The following CENPW variants were observed in gnomAD, a reference collection of about 807,000 sequenced individuals.
CENPW encodes centromere protein W.
Under a neutral mutation model 11.1 loss-of-function variants are expected in CENPW, and 3 were observed. The observed-to-expected ratio is 0.27, with a 90% CI of 0.12 to 0.70. The LOEUF is 0.70. CENPW is among the 30% of genes least tolerant of loss of function. The probability of loss-of-function intolerance (pLI) is 0.77; values close to 1 mark genes in which losing one functional copy is unlikely to be tolerated. For missense variants in CENPW, 100 were observed against 105.6 expected (o/e 0.95, Z 0.23); for synonymous variants, 38 against 42.0 (o/e 0.91, Z 0.37).
chr6:126,348,406 A>G (rs994673124), intron 2 of CENPW, 60 bp from the exon 3 acceptor site: 25 of 936,444 alleles, frequency 2.7e-5, no homozygotes, highest in Non-Finnish European at 4.3e-5. Flanking sequence ...CTTTTTGTTA[A>G]GGAATGATGT....
At chr6:126,459,767 T>C in the CENPW span, among the ~76,000 whole-genome samples, 2 of 151,648 alleles carry the variant, frequency 1.3e-5, no homozygotes, top group South Asian at 4.1e-4. Context: ...TTAGAAGAGA[T>C]CACTCAACAG....
At chr6:126,468,407 C>T in the CENPW span, among the ~76,000 whole-genome samples, 1 of 78,152 alleles carries the variant, frequency 1.3e-5, no homozygotes, top group Non-Finnish European at 2.2e-5. Flanking sequence ...GCAACAAGAG[C>T]TAAACTCTGT....
chr6:126,408,820 A>G, the CENPW span, among the ~76,000 whole-genome samples: 35 of 151,796 alleles, frequency 2.3e-4, no homozygotes, highest in Non-Finnish European at 5.0e-4. Context: ...TATCAATTAT[A>G]ATTTTTTTGT....
the CENPW span, among the ~76,000 whole-genome samples, chr6:126,450,751 T>A: frequency 6.6e-6 from 1 of 151,006 alleles, no homozygotes; most frequent in Non-Finnish European, 1.5e-5. Context: ...TTAATTTACA[T>A]AATCCACTTT....
the CENPW span, among the ~76,000 whole-genome samples, chr6:126,357,543 T>A: frequency 6.6e-6 from 1 of 152,298 alleles, no homozygotes; most frequent in East Asian, 1.9e-4. Flanking sequence ...TATTCTTCTA[T>A]GAGCATGGAA....
At chr6:126,351,596 A>C (rs1166872834), downstream of CENPW, among the ~76,000 whole-genome samples, 1 of 152,034 alleles carries the variant, frequency 6.6e-6, no homozygotes, top group Non-Finnish European at 1.5e-5. Flanking sequence ...TGTTGAAGAG[A>C]GTCAGTGAGA....
the CENPW span, among the ~76,000 whole-genome samples, chr6:126,355,493 A>G: frequency 3.9e-5 from 6 of 152,120 alleles, no homozygotes; most frequent in African/African-American, 1.4e-4. Context: ...GGCACATTTT[A>G]TGCTCTTGGG....
chr6:126,372,214 T>G, the CENPW span, among the ~76,000 whole-genome samples: 1 of 152,086 alleles, frequency 6.6e-6, no homozygotes, highest in African/African-American at 2.4e-5. Context: ...TACTGTTTCT[T>G]TCTCAGACTG....
At chr6:126,411,265 TGTTGGTGGCCACG>T in the CENPW span, among the ~76,000 whole-genome samples, 1 of 152,174 alleles carries the variant, frequency 6.6e-6, no homozygotes, top group African/African-American at 2.4e-5. Flanking sequence ...CAACAATAAT[TGTTGGTGGCCACG>T]GCTGTAGAAA....
chr6:126,455,322 A>C, the CENPW span, among the ~76,000 whole-genome samples: 2 of 151,550 alleles, frequency 1.3e-5, no homozygotes. Flanking sequence ...AAATACTAGC[A>C]AACTGAATCC....
At chr6:126,462,278 C>T in the CENPW span, among the ~76,000 whole-genome samples, 46 of 151,806 alleles carry the variant, frequency 3.0e-4, no homozygotes, top group Admixed American at 9.2e-4. Context: ...TTCTAGTGTT[C>T]CTGTCATGCC....
chr6:126,366,445 A>C, the CENPW span, among the ~76,000 whole-genome samples: 1 of 152,196 alleles, frequency 6.6e-6, no homozygotes, highest in East Asian at 1.9e-4. Flanking sequence ...GATTGCAACA[A>C]ATTTTCAGTA....
chr6:126,368,430 C>CATTG, the CENPW span, among the ~76,000 whole-genome samples: 1 of 151,554 alleles, frequency 6.6e-6, no homozygotes, highest in Non-Finnish European at 1.5e-5. Context: ...CTGTAGAACC[C>CATTG]ATTGATTCTT....
chr6:126,340,444 G>A (rs372798798), intron 1 of CENPW, 45 bp downstream of exon 1: 38 of 1,613,888 alleles, frequency 2.4e-5, no homozygotes, highest in Non-Finnish European at 3.1e-5. Context: ...GCACGGGAGA[G>A]GTAAGGGCAA....
chr6:126,408,958 T>A, the CENPW span, among the ~76,000 whole-genome samples: 3 of 151,982 alleles, frequency 2.0e-5, no homozygotes, highest in African/African-American at 7.2e-5. Context: ...TATTTTATGT[T>A]CTTATTTTTA....
chr6:126,401,879 C>A, the CENPW span, among the ~76,000 whole-genome samples: 1 of 152,070 alleles, frequency 6.6e-6, no homozygotes, highest in Non-Finnish European at 1.5e-5. Flanking sequence ...GTGTTCTATA[C>A]TCTCAGCTGG....
chr6:126,481,692 A>T, the CENPW span, among the ~76,000 whole-genome samples: 2 of 152,100 alleles, frequency 1.3e-5, no homozygotes, highest in East Asian at 1.9e-4. Flanking sequence ...ACATTTCAAC[A>T]TGAGTTTTGG....
the CENPW span, among the ~76,000 whole-genome samples, chr6:126,481,850 A>T: frequency 6.6e-6 from 1 of 152,082 alleles, no homozygotes; most frequent in Non-Finnish European, 1.5e-5. Context: ...CAATTATTTT[A>T]ATTTTAGCAC....
At chr6:126,371,739 T>C in the CENPW span, among the ~76,000 whole-genome samples, 1 of 152,132 alleles carries the variant, frequency 6.6e-6, no homozygotes, top group Non-Finnish European at 1.5e-5. Context: ...TTTTTAAAAT[T>C]TGTATTTTAA....
Sources: gnomAD v4.1 joint callset for allele counts (sites outside exome capture counted in the v4.1 genomes callset) on GRCh38, gnomAD v4.1.1 for gene constraint, MANE v1.5 for transcripts, NCBI Gene and HGNC (gene_info 2026-07-23, HGNC 2026-07-21) for gene names.